FHIT: variants seen among roughly 807,000 people sequenced by gnomAD.
The protein encoded by FHIT is fragile histidine triad diadenosine triphosphatase.
Under a neutral mutation model 17.9 loss-of-function variants are expected in FHIT, and 19 were observed. The ratio of observed to expected loss-of-function variants is 1.06; its 90% CI spans 0.74 to 1.56. The LOEUF (loss-of-function observed/expected upper bound fraction) is 1.56, where lower values mean the gene tolerates loss of function less well. Among genes scored for constraint, FHIT ranks in the 40% most tolerant of loss-of-function variants. The pLI, the probability that FHIT is intolerant of heterozygous loss-of-function variation, is 0.00. For synonymous variants in FHIT, 81 were observed against 69.7 expected (o/e 1.16, Z -0.81); for missense variants, 248 against 189.2 (o/e 1.31, Z -1.82).
intron 5 of FHIT, among the ~76,000 whole-genome samples, chr3:60,378,134 T>C (rs1440624009): frequency 1.3e-5 from 2 of 151,466 alleles, no homozygotes; most frequent in Non-Finnish European, 2.9e-5. Flanking sequence ...TCACGCCATT[T>C]TCCCGCCTCA....
At chr3:59,841,294 G>C (rs535401923) in intron 8 of FHIT, among the ~76,000 whole-genome samples, 1 of 152,276 alleles carries the variant, frequency 6.6e-6, no homozygotes, top group African/African-American at 2.4e-5. Flanking sequence ...TACCACCCAG[G>C]TTGCCCTTCA....
intron 2 of FHIT, among the ~76,000 whole-genome samples, chr3:61,117,188 T>C (rs1326711806): frequency 1.3e-5 from 2 of 152,184 alleles, no homozygotes; most frequent in African/African-American, 2.4e-5. Flanking sequence ...AACTGTGCAA[T>C]GACTTCTGTC....
rs548705225 is a variant in FHIT at position 59,871,999 on chromosome 3, T to C, written c.348+50347A>G. ...AGGCAAAACCAAGGTGATACAAAGTTTCCAAAGATTAGATGTATCTCAGAT... is the reference window on the plus strand; with the variant it reads ...AGGCAAAACCAAGGTGATACAAAGTCTCCAAAGATTAGATGTATCTCAGAT... On this transcript the variant is annotated intron_variant, in intron 8 of 9. Coordinates refer to ENST00000492590, the MANE Select transcript of FHIT (RefSeq NM_002012.4). Among the ~76,000 whole-genome samples, 12 of 152,244 alleles carry C rather than the reference T, an allele frequency of 7.9e-5. No homozygotes were observed. In the South Asian group the frequency reaches 1.0e-3, roughly 13 times the overall value.
intron 2 of FHIT, among the ~76,000 whole-genome samples, chr3:61,112,022 C>A (rs2036172852): frequency 2.6e-5 from 4 of 152,230 alleles, no homozygotes; most frequent in Admixed American, 1.3e-4. Context: ...ACCACAGATA[C>A]CCCTTTTTAT....
At chr3:60,470,150 G>A (rs1276995299) in intron 5 of FHIT, among the ~76,000 whole-genome samples, 1 of 151,744 alleles carries the variant, frequency 6.6e-6, no homozygotes, top group African/African-American at 2.4e-5. Flanking sequence ...GGACTATATT[G>A]GGTCAGAAAT....
chr3:60,277,695 G>A (rs1282786402), intron 5 of FHIT, among the ~76,000 whole-genome samples: 1 of 152,080 alleles, frequency 6.6e-6, no homozygotes, highest in East Asian at 1.9e-4. Flanking sequence ...AATGCACTCT[G>A]CCACAGGCTG....
chr3:60,120,303 G>C (rs1008906967), intron 5 of FHIT, among the ~76,000 whole-genome samples: 1 of 152,214 alleles, frequency 6.6e-6, no homozygotes, highest in Non-Finnish European at 1.5e-5. Flanking sequence ...CCTGCACGTA[G>C]TAGTTATTTG....
At chr3:61,022,782 T>C (rs2032519632) in intron 3 of FHIT, among the ~76,000 whole-genome samples, 1 of 152,098 alleles carries the variant, frequency 6.6e-6, no homozygotes. Flanking sequence ...AGGCCTTCAA[T>C]AAAATTCAAC....
At chr3:60,366,673 C>T (rs1227131616) in intron 5 of FHIT, among the ~76,000 whole-genome samples, 1 of 152,168 alleles carries the variant, frequency 6.6e-6, no homozygotes, top group Non-Finnish European at 1.5e-5. Flanking sequence ...GCCGTCCGCT[C>T]CCCTGCCATG....
intron 5 of FHIT, among the ~76,000 whole-genome samples, chr3:60,198,144 AT>A (rs11313024): frequency 0.69 from 105,339 of 151,848 alleles, 36,831 homozygotes; most frequent in East Asian, 0.98. Context: ...TGAGGCAGGA[AT>A]TTCACTACAG....
intron 8 of FHIT, among the ~76,000 whole-genome samples, chr3:59,796,213 C>T (rs933719312): frequency 2.0e-5 from 3 of 152,168 alleles, no homozygotes; most frequent in South Asian, 2.1e-4. Flanking sequence ...TTAGGTCATT[C>T]CTTTCATCTC....
chr3:60,320,059 C>T (rs55914716), intron 5 of FHIT, among the ~76,000 whole-genome samples: 16,821 of 152,124 alleles, frequency 0.11, 3,104 homozygotes, highest in African/African-American at 0.38. Flanking sequence ...CACACAAAAT[C>T]CCTCTAAGGT....
At chr3:60,619,450 A>G (rs1439246846) in intron 4 of FHIT, among the ~76,000 whole-genome samples, 1 of 152,146 alleles carries the variant, frequency 6.6e-6, no homozygotes, top group African/African-American at 2.4e-5. Flanking sequence ...AGGAGCACTG[A>G]CACTATCCGA....
chr3:59,903,753 A>C (rs950244333), intron 8 of FHIT, among the ~76,000 whole-genome samples: 1 of 152,156 alleles, frequency 6.6e-6, no homozygotes, highest in African/African-American at 2.4e-5. Flanking sequence ...AAAAGGTGGG[A>C]ATAATTTGGT....
chr3:60,021,891 GA>G (rs917602510), intron 5 of FHIT, among the ~76,000 whole-genome samples: 20 of 151,968 alleles, frequency 1.3e-4, no homozygotes, highest in Non-Finnish European at 2.5e-4. Flanking sequence ...ACATTATACA[GA>G]AAAAAAACTG....
intron 5 of FHIT, among the ~76,000 whole-genome samples, chr3:60,362,339 A>G (rs1258483758): frequency 1.3e-5 from 2 of 152,230 alleles, no homozygotes; most frequent in African/African-American, 4.8e-5. Context: ...ATATTGAGAT[A>G]CAATACTTAG....
intron 4 of FHIT, among the ~76,000 whole-genome samples, chr3:60,570,353 A>C (rs573765116): frequency 6.6e-6 from 1 of 152,278 alleles, no homozygotes; most frequent in Non-Finnish European, 1.5e-5. Flanking sequence ...AATCGGGACT[A>C]AAATAGCAAT....
rs1184473470 is a variant in FHIT at position 60,723,238 on chromosome 3, T to C, written c.-18+98681A>G. Among the ~76,000 whole-genome samples the C allele has an allele frequency of 2.6e-5, 4 of 152,200 alleles. No homozygotes were observed. In the East Asian group the frequency reaches 7.7e-4, roughly 29 times the overall value. On this transcript the variant is annotated intron_variant, in intron 4 of 9. Transcript: ENST00000492590. ...TACAGAAATTTGGAACCTGGCAGTCTTCTATTCATTGTGCAGAAAAGAGTT... is the reference window on the plus strand; with the variant it reads ...TACAGAAATTTGGAACCTGGCAGTCCTCTATTCATTGTGCAGAAAAGAGTT...
intron 8 of FHIT, among the ~76,000 whole-genome samples, chr3:59,863,430 C>T (rs887702785): frequency 1.3e-5 from 2 of 152,214 alleles, no homozygotes; most frequent in South Asian, 2.1e-4. Context: ...ACGCCTGCAA[C>T]GGATAACTTA....
Sources: gnomAD v4.1 joint callset for allele counts (sites outside exome capture counted in the v4.1 genomes callset) on GRCh38, gnomAD v4.1.1 for gene constraint, MANE v1.5 for transcripts, NCBI Gene and HGNC (gene_info 2026-07-23, HGNC 2026-07-21) for gene names.